LRRC53: variants seen among roughly 807,000 people sequenced by gnomAD.
LRRC53 encodes the protein leucine-rich repeat-containing protein 53.
A neutral mutation model predicts 13.6 loss-of-function variants in LRRC53; 25 were observed. That is an observed-to-expected ratio of 1.83 (90% CI 1.34 to 2.56). The LOEUF (loss-of-function observed/expected upper bound fraction) is 2.56. Among genes scored for constraint, LRRC53 ranks in the 30% most tolerant of loss-of-function variants. The pLI is 0.00. For missense variants in LRRC53, 527 were observed against 275.8 expected (o/e 1.91, Z -6.45); for synonymous variants, 204 against 109.8 (o/e 1.86, Z -5.37).
the LRRC53 span, among the ~76,000 whole-genome samples, chr1:74,528,872 G>A: frequency 6.6e-6 from 1 of 152,126 alleles, no homozygotes; most frequent in African/African-American, 2.4e-5. Context: ...TTGAAGAAAT[G>A]ACAGACTTTA....
chr1:74,469,662 C>T lies in LRRC53; in HGVS notation c.*216G>A. Reference sequence around the variant, plus strand: ...TTTTTTCATTCCTTAGAGAAGCATACTCAGTTAATTGTGTCAGACGTATCC... The same window carrying T: ...TTTTTTCATTCCTTAGAGAAGCATATTCAGTTAATTGTGTCAGACGTATCC... On this transcript the variant is annotated 3_prime_UTR_variant, in exon 5 of 5. Transcript: ENST00000294635. 2.8e-6 allele frequency: 1 copy of T among 358,938 alleles called. No individual in the cohort carries two copies. 22.2% of individuals were successfully genotyped at this position (358,938 alleles called of 1,614,324 possible). A position where few individuals can be genotyped will look rare whatever the true frequency, so the allele number is the denominator to read the frequency against.
intron 1 of LRRC53, among the ~76,000 whole-genome samples, chr1:74,509,332 G>A (rs973536114): frequency 6.6e-6 from 1 of 152,082 alleles, no homozygotes; most frequent in Non-Finnish European, 1.5e-5. Context: ...GACATTTGAG[G>A]GTTTCAATTT....
At chr1:74,521,434 A>C in the LRRC53 span, among the ~76,000 whole-genome samples, 1 of 152,160 alleles carries the variant, frequency 6.6e-6, no homozygotes, top group Non-Finnish European at 1.5e-5. Flanking sequence ...ATTTTATGAA[A>C]TATGTATTCT....
rs1414538740 is a variant in LRRC53 at position 74,480,940 on chromosome 1, G to A, written c.117C>T (p.Ile39=). 1 of 716,638 alleles carries A rather than the reference G, an allele frequency of 1.4e-6. No homozygotes were observed. The highest frequency in any genetic ancestry group is 1.5e-5 in the South Asian group (1 of 67,498). The allele number at this position is 716,638 out of a possible 1,614,324, so 44.4% of individuals were successfully genotyped here. The change falls in exon 3 of 5, where the codon ATC becomes ATT. Residue 39 remains isoleucine (I), a synonymous_variant. Coordinates refer to ENST00000294635, the MANE Select transcript of LRRC53 (RefSeq NM_001382280.1). The part of the protein sequence containing the change: ...VAAPMTTRVL[I]ITDGYLSSIE... ...TAGAGGAGAGATATCCATCGGTGAT[G>A]ATTAAAACCCTCGTGGTCATAGGGG...
intron 1 of LRRC53, among the ~76,000 whole-genome samples, chr1:74,510,812 G>T (rs1670150684): frequency 6.6e-6 from 1 of 152,204 alleles, no homozygotes; most frequent in African/African-American, 2.4e-5. Context: ...CACTGTGTCT[G>T]CCCCTACCCA....
At chr1:74,506,063 A>G (rs1287650845) in intron 1 of LRRC53, among the ~76,000 whole-genome samples, 10 of 152,136 alleles carry the variant, frequency 6.6e-5, no homozygotes, top group Admixed American at 6.5e-4. Flanking sequence ...ACTAAGTGTC[A>G]CCAGATGCTA....
the LRRC53 span, among the ~76,000 whole-genome samples, chr1:74,530,112 G>A: frequency 5.3e-5 from 8 of 152,166 alleles, no homozygotes; most frequent in African/African-American, 1.2e-4. Context: ...TTACAAGCAT[G>A]AGCCACTGTG....
At chr1:74,498,504 C>T (rs987115883) in intron 1 of LRRC53, among the ~76,000 whole-genome samples, 3 of 152,100 alleles carry the variant, frequency 2.0e-5, no homozygotes, top group Non-Finnish European at 4.4e-5. Context: ...TACAATATCT[C>T]ATTTATTATT....
At chr1:74,484,209 G>A (rs1349405684) in intron 1 of LRRC53, among the ~76,000 whole-genome samples, 8 of 102,128 alleles carry the variant, frequency 7.8e-5, no homozygotes, top group African/African-American at 2.4e-4. Context: ...TTCCCTGGTT[G>A]ATTAAAAAAA....
At chr1:74,528,086 G>T in the LRRC53 span, among the ~76,000 whole-genome samples, 2 of 152,170 alleles carry the variant, frequency 1.3e-5, no homozygotes, top group Non-Finnish European at 2.9e-5. Flanking sequence ...GTATGAGAAG[G>T]GTGGAGAGAA....
the LRRC53 span, among the ~76,000 whole-genome samples, chr1:74,524,399 C>G: frequency 2.8e-3 from 434 of 152,314 alleles, 3 homozygotes; most frequent in African/African-American, 9.7e-3. Context: ...GACTCCAGGG[C>G]TGCTGTGGAG....
chr1:74,480,106 T>C (rs559019679), intron 3 of LRRC53, 47 bp downstream of exon 3: 5 of 666,274 alleles, frequency 7.5e-6, no homozygotes, highest in South Asian at 6.8e-5. Flanking sequence ...TGCAAAAATA[T>C]GGACAAGAGA....
intron 3 of LRRC53, among the ~76,000 whole-genome samples, 166 bp from the exon 4 acceptor site, chr1:74,475,976 T>C (rs1278626504): frequency 1.3e-5 from 2 of 152,204 alleles, no homozygotes; most frequent in African/African-American, 4.8e-5. Context: ...GAGGCTACCA[T>C]TGACATTGTT....
the LRRC53 span, among the ~76,000 whole-genome samples, chr1:74,530,246 A>G: frequency 3.7e-3 from 564 of 152,322 alleles, 5 homozygotes; most frequent in Middle Eastern, 0.014. Context: ...AAAGCCATGG[A>G]AAAAGGAAGA....
intron 1 of LRRC53, among the ~76,000 whole-genome samples, chr1:74,484,755 G>C (rs956795608): frequency 2.0e-5 from 3 of 152,146 alleles, no homozygotes; most frequent in African/African-American, 7.2e-5. Context: ...GTATACCTTA[G>C]AGATGAATGC....
rs117330518 is a variant in LRRC53 at position 74,469,879 on chromosome 1, T to A, written c.3743A>T (p.Ter1248LeuextTer14). 288 of 400,584 alleles carry A rather than the reference T, an allele frequency of 7.2e-4. 2 individuals carry two copies. In the East Asian group the frequency reaches 9.9e-3, roughly 14 times the overall value. The allele number at this position is 400,584 out of a possible 1,614,324, so 24.8% of individuals were successfully genotyped here. A position where few individuals can be genotyped will look rare whatever the true frequency, so the allele number is the denominator to read the frequency against. ...ATTATTTGAGTTATTTTGTTCACTTTATTCTGTTTCTAAAGGTGATGTAGT... is the reference window on the plus strand; with the variant it reads ...ATTATTTGAGTTATTTTGTTCACTTAATTCTGTTTCTAAAGGTGATGTAGT... ...YATTSPLETE[*>L] The change falls in exon 5 of 5, where the codon TAA becomes TTA. Residue 1248 changes from the stop codon to leucine (L), a stop_lost. Transcript: ENST00000294635.
intron 3 of LRRC53, among the ~76,000 whole-genome samples, chr1:74,478,430 T>C (rs934003437): frequency 6.6e-6 from 1 of 152,208 alleles, no homozygotes; most frequent in African/African-American, 2.4e-5. Flanking sequence ...GAACTGTTAA[T>C]GTAGCTAAAT....
At chr1:74,520,867 A>G in the LRRC53 span, among the ~76,000 whole-genome samples, 1 of 152,038 alleles carries the variant, frequency 6.6e-6, no homozygotes, top group Non-Finnish European at 1.5e-5. Context: ...GTACATATGG[A>G]GCTGGCTCAT....
intron 1 of LRRC53, among the ~76,000 whole-genome samples, chr1:74,509,747 CTTTTTTTTTTTTTTTT>C (rs68193106): frequency 2.1e-5 from 1 of 47,784 alleles, no homozygotes; most frequent in East Asian, 8.3e-4. Context: ...ATCTGAATTT[CTTTTTTTTTTTTTTTT>C]TTTTTTTTTT....
Sources: gnomAD v4.1 joint callset for allele counts (sites outside exome capture counted in the v4.1 genomes callset) on GRCh38, gnomAD v4.1.1 for gene constraint, MANE v1.5 for transcripts, NCBI Gene and HGNC (gene_info 2026-07-23, HGNC 2026-07-21) for gene names.